EML6: variants seen among roughly 807,000 people sequenced by gnomAD.
EML6 encodes EMAP like 6.
EML6 carries 154 observed loss-of-function variants against 240.1 expected under a neutral mutation model. The observed-to-expected ratio is 0.64, with a 90% CI of 0.56 to 0.73. The LOEUF (loss-of-function observed/expected upper bound fraction) is 0.73, where lower values mean the gene tolerates loss of function less well. Among genes scored for constraint, EML6 ranks in the 30% least tolerant of loss-of-function variants. The pLI is 0.00. For synonymous variants in EML6, 1,148 were observed against 899.0 expected, an observed-to-expected ratio of 1.28 and a Z score of -4.95; for missense variants, 2,964 against 2,474.6, an observed-to-expected ratio of 1.20 and a Z score of -4.20.
Position 54,724,352 on chromosome 2 carries a change from C to T in EML6, c.-513-197C>T, listed in dbSNP as rs1183400699. On this transcript the variant is annotated intron_variant, in intron 1 of 41. Coordinates refer to ENST00000356458, the MANE Select transcript of EML6 (RefSeq NM_001039753.4). This position sits in a 1 kb window ranked among gnomAD's most constrained non-coding sequence, Gnocchi z 5.2. ...AAACAGCAAGCGTTCCTTCAAATCG[C>T]ATCAGCAACTGCCAGGCAGCAGCAT... is the stretch of plus-strand genomic sequence containing the variant. Among the ~76,000 whole-genome samples the T allele has an allele frequency of 6.6e-6, 1 of 152,144 alleles. No homozygotes were observed.
At chr2:54,827,431 G>T in intron 5 of EML6, 135 bp from the exon 6 acceptor site, 1 of 696,488 alleles carries the variant, frequency 1.4e-6, no homozygotes, top group Non-Finnish European at 2.4e-6. Context: ...TTATGTTACA[G>T]CAAAGCAAAT....
In EML6 at chr2:54,964,469, A is replaced by G. The variant is rs1438532914; in HGVS notation, c.5331-102A>G. The G allele has an allele frequency of 1.2e-5, 14 of 1,129,226 alleles. No individual in the cohort carries two copies. The Admixed American group carries it at 3.8e-4, about 31-fold the overall frequency. 70.0% of individuals were successfully genotyped at this position (1,129,226 alleles called of 1,614,324 possible). A position where few individuals can be genotyped will look rare whatever the true frequency, so the allele number is the denominator to read the frequency against. ...ACATGTGAGTCACAAGGTGGCTCTC[A>G]TTGCCTTTAGGCCTGGAAGGCCTGT... On this transcript the variant is annotated intron_variant, in intron 37 of 41. Coordinates refer to ENST00000356458, the MANE Select transcript of EML6 (RefSeq NM_001039753.4).
In EML6 at chr2:54,962,812, G is replaced by A. The variant is rs188779088; in HGVS notation, c.5157+101G>A. On this transcript the variant is annotated intron_variant, in intron 36 of 41. Coordinates refer to ENST00000356458, the MANE Select transcript of EML6 (RefSeq NM_001039753.4). ...CAGCCAGCGTCATGGCAGAGACGGG[G>A]ATGGGGCCAGGTAGGAGATCGAGTT... is the stretch of plus-strand genomic sequence containing the variant. 7.2e-3 allele frequency: 6,836 copies of A among 950,894 alleles called. 62 individuals carry two copies. Among genetic ancestry groups the A allele is most frequent in the Non-Finnish European group, 7.3e-3 (5,002 of 684,624 alleles). The allele number at this position is 950,894 out of a possible 1,614,324, so 58.9% of individuals were successfully genotyped here. A position where few individuals can be genotyped will look rare whatever the true frequency, so the allele number is the denominator to read the frequency against.
At chr2:54,956,176 G>A (rs745551767) in intron 32 of EML6, among the ~76,000 whole-genome samples, 1 of 152,126 alleles carries the variant, frequency 6.6e-6, no homozygotes, top group Non-Finnish European at 1.5e-5. Flanking sequence ...AATTAGAAGC[G>A]TCCATGAAAT....
chr2:54,777,394 C>G (rs554997735), intron 2 of EML6, among the ~76,000 whole-genome samples: 2 of 152,310 alleles, frequency 1.3e-5, no homozygotes, highest in South Asian at 4.1e-4. Flanking sequence ...TTTATGCTCA[C>G]TTTTTATTGC....
At chr2:54,843,945 G>A in intron 7 of EML6, 102 bp from the exon 8 acceptor site, 2 of 868,032 alleles carry the variant, frequency 2.3e-6, no homozygotes, top group Admixed American at 2.1e-5. Context: ...CCTGGTTAAA[G>A]GGCATTTACT....
At chr2:54,889,468 TCTTA>T (rs1672339836) in intron 17 of EML6, among the ~76,000 whole-genome samples, 1 of 143,192 alleles carries the variant, frequency 7.0e-6, no homozygotes. Flanking sequence ...GCCTTTTTAA[TCTTA>T]CTTATCAGGT....
chr2:54,767,970 A>G (rs1668255415), intron 2 of EML6, among the ~76,000 whole-genome samples: 1 of 152,168 alleles, frequency 6.6e-6, no homozygotes, highest in South Asian at 2.1e-4. Flanking sequence ...AAACATCTGC[A>G]TGAGATCACA....
At chr2:54,811,859 C>G (rs897796250) in intron 2 of EML6, among the ~76,000 whole-genome samples, 10 of 152,196 alleles carry the variant, frequency 6.6e-5, no homozygotes, top group Non-Finnish European at 1.2e-4. Context: ...CTGAAGTGTT[C>G]TACAACCTTA....
At chr2:54,855,969 G>A (rs762023409) in intron 11 of EML6, among the ~76,000 whole-genome samples, 23 of 152,182 alleles carry the variant, frequency 1.5e-4, no homozygotes, top group Non-Finnish European at 3.1e-4. Flanking sequence ...TGATGACCAT[G>A]AGCAGTTGTG....
At chr2:54,904,813 G>A (rs193083985) in intron 24 of EML6, among the ~76,000 whole-genome samples, 1 of 152,300 alleles carries the variant, frequency 6.6e-6, no homozygotes, top group East Asian at 1.9e-4. Context: ...TTAATCAGGA[G>A]AACGATGATG....
rs993911402 is a variant in EML6 at position 54,892,573 on chromosome 2, A to G, written c.2659A>G (p.Ile887Val). The change falls in exon 19 of 42, where the codon ATT (isoleucine) becomes GTT (valine). Residue 887 changes from isoleucine to valine, a missense_variant. Coordinates refer to ENST00000356458, the MANE Select transcript of EML6 (RefSeq NM_001039753.4). ...GTTCTCAGGAGCAGCTACTGGAGATATTTTTATTTGGAAAGACATTCTACT... is the reference window on the plus strand; with the variant it reads ...GTTCTCAGGAGCAGCTACTGGAGATGTTTTTATTTGGAAAGACATTCTACT... ...LVFSGAATGD[I>V]FIWKDILLLK... 6 of 1,551,542 alleles carry G rather than the reference A, an allele frequency of 3.9e-6. No homozygotes were observed. The African/African-American group carries it at 6.8e-5, about 18-fold the overall frequency.
chr2:54,927,657 C>T (rs141557259), intron 26 of EML6, among the ~76,000 whole-genome samples: 3,934 of 152,216 alleles, frequency 0.026, 155 homozygotes, highest in Admixed American at 0.12. Flanking sequence ...ACCCTCCACC[C>T]GGGGATAAAG....
intron 2 of EML6, among the ~76,000 whole-genome samples, chr2:54,746,171 G>C (rs773951312): frequency 6.6e-6 from 1 of 152,216 alleles, no homozygotes; most frequent in African/African-American, 2.4e-5. Context: ...GGAAAGTGTA[G>C]CCTAATTAGG....
chr2:54,940,389 T>C (rs971244837), intron 28 of EML6, among the ~76,000 whole-genome samples: 2 of 152,190 alleles, frequency 1.3e-5, no homozygotes, highest in African/African-American at 4.8e-5. Flanking sequence ...CATGTTTTGG[T>C]TTCAACTCTA....
At chr2:54,756,746 CT>C in intron 2 of EML6, among the ~76,000 whole-genome samples, 2 of 151,948 alleles carry the variant, frequency 1.3e-5, no homozygotes, top group Admixed American at 1.3e-4. Context: ...GTCATTATTC[CT>C]GGCATACTGA....
chr2:54,801,171 T>C (rs775511091), intron 2 of EML6, among the ~76,000 whole-genome samples: 5 of 151,732 alleles, frequency 3.3e-5, no homozygotes, highest in Non-Finnish European at 7.4e-5. Context: ...ATACAAAAAA[T>C]CAGCCGGGCA....
intron 2 of EML6, among the ~76,000 whole-genome samples, chr2:54,769,376 T>A (rs1451346983): frequency 6.6e-6 from 1 of 152,186 alleles, no homozygotes; most frequent in Non-Finnish European, 1.5e-5. Flanking sequence ...ATGCACCTGA[T>A]CTATGATGGG....
intron 11 of EML6, among the ~76,000 whole-genome samples, chr2:54,854,416 T>C (rs910158031): frequency 6.6e-6 from 1 of 152,230 alleles, no homozygotes; most frequent in Non-Finnish European, 1.5e-5. Flanking sequence ...GTTAAAATTG[T>C]TTGACTTCAG....
Sources: gnomAD v4.1 joint callset for allele counts (sites outside exome capture counted in the v4.1 genomes callset) on GRCh38, gnomAD v4.1.1 for gene constraint, Gnocchi (gnomAD v3.1) non-coding constraint, MANE v1.5 for transcripts, NCBI Gene and HGNC (gene_info 2026-07-23, HGNC 2026-07-21) for gene names.